XRCC2: variants seen among roughly 807,000 people sequenced by gnomAD.
XRCC2 encodes the protein DNA repair protein XRCC2.
Under a neutral mutation model 27.3 loss-of-function variants are expected in XRCC2, and 24 were observed. That is an observed-to-expected ratio of 0.88 (90% confidence interval 0.64 to 1.24). The LOEUF (loss-of-function observed/expected upper bound fraction) is 1.24. Among genes scored for constraint, XRCC2 ranks in the 50% most tolerant of loss-of-function variants. The pLI is 0.00. For missense variants in XRCC2, 321 were observed against 325.8 expected (o/e 0.99, Z 0.11); for synonymous variants, 106 against 115.4 (o/e 0.92, Z 0.52).
At chr7:152,671,199 A>C (rs1171703239) in intron 1 of XRCC2, among the ~76,000 whole-genome samples, 2 of 152,184 alleles carry the variant, frequency 1.3e-5, no homozygotes, top group Admixed American at 6.6e-5. Context: ...TGGGCGACAG[A>C]GTAAGACTGT....
At chr7:152,661,853 G>A (rs1487704633) in intron 1 of XRCC2, among the ~76,000 whole-genome samples, 1 of 152,204 alleles carries the variant, frequency 6.6e-6, no homozygotes, top group East Asian at 1.9e-4. Flanking sequence ...AGACCTGCTA[G>A]GTCACTGAGG....
intron 2 of XRCC2, among the ~76,000 whole-genome samples, chr7:152,656,411 C>T (rs1263296374): frequency 6.6e-6 from 1 of 152,038 alleles, no homozygotes; most frequent in East Asian, 1.9e-4. Context: ...AAAAAGTTTA[C>T]AATGGCATTG....
At chr7:152,664,924 A>G (rs1193998026) in intron 1 of XRCC2, among the ~76,000 whole-genome samples, 2 of 152,112 alleles carry the variant, frequency 1.3e-5, no homozygotes, top group Admixed American at 1.3e-4. Flanking sequence ...TGCAGTAGGG[A>G]GCAAAATGGT....
At chr7:152,666,570 T>C (rs2117005397) in intron 1 of XRCC2, among the ~76,000 whole-genome samples, 1 of 151,656 alleles carries the variant, frequency 6.6e-6, no homozygotes, top group African/African-American at 2.4e-5. Flanking sequence ...TAAGAACCAC[T>C]GGGCTACAAG....
In XRCC2 at chr7:152,645,728, C is replaced by T. The variant is rs3218561; in HGVS notation, c.*2914G>A. 3 of 152,140 alleles carry T rather than the reference C, an allele frequency of 2.0e-5. No individual in the cohort carries two copies. Among genetic ancestry groups the T allele is most frequent in the African/African-American group, 7.2e-5 (3 of 41,492 alleles). The allele number at this position is 152,140 out of a possible 1,614,324, so 9.4% of individuals were successfully genotyped here. A position where few individuals can be genotyped will look rare whatever the true frequency, so the allele number is the denominator to read the frequency against. On this transcript the variant is annotated 3_prime_UTR_variant, in exon 3 of 3. Coordinates refer to ENST00000359321, the MANE Select transcript of XRCC2 (RefSeq NM_005431.2). ...ATATTTCACTATTAACTAATGTTTA[C>T]TGAGGGATTTTTGTATATACCTTTT...
chr7:152,652,404 G>A (rs775144303), intron 2 of XRCC2, among the ~76,000 whole-genome samples: 8 of 151,966 alleles, frequency 5.3e-5, no homozygotes, highest in Non-Finnish European at 8.8e-5. Context: ...AAGCGCAGAC[G>A]GGGAAACCAA....
chr7:152,646,068 G>C lies in XRCC2; in HGVS notation c.*2574C>G, dbSNP rs988097016. ...GCTTTGGATCTGTCCTGCTGTATTC[G>C]GTTCTTTTAAATTTAAAAATCAGCC... On this transcript the variant is annotated 3_prime_UTR_variant, in exon 3 of 3. Transcript: ENST00000359321. 3 of 151,942 alleles carry C rather than the reference G, an allele frequency of 2.0e-5. No individual in the cohort carries two copies. The East Asian group carries it at 5.8e-4, about 29-fold the overall frequency. 9.4% of individuals were successfully genotyped at this position (151,942 alleles called of 1,614,324 possible).
intron 1 of XRCC2, 92 bp from the exon 2 acceptor site, chr7:152,660,874 T>C: frequency 8.8e-7 from 1 of 1,135,130 alleles, no homozygotes; most frequent in Non-Finnish European, 1.2e-6. Context: ...GTCTGTAAGA[T>C]TTCATAACTT....
intron 1 of XRCC2, among the ~76,000 whole-genome samples, chr7:152,664,668 C>T (rs1265406572): frequency 6.6e-6 from 1 of 152,160 alleles, no homozygotes; most frequent in African/African-American, 2.4e-5. Context: ...TTCTGGTTCT[C>T]CAGCTTGCAG....
In XRCC2 at chr7:152,644,941, AAG is replaced by A. The variant is rs1207688878; in HGVS notation, c.*3699_*3700del. ...CATTCGATGAGTCCGATTTTTCTGA[AAG>A]AGATGATTCTGATGATTCAGATGAT... is the stretch of plus-strand genomic sequence containing the variant. On this transcript the variant is annotated 3_prime_UTR_variant, in exon 3 of 3. Coordinates refer to ENST00000359321, the MANE Select transcript of XRCC2 (RefSeq NM_005431.2). 6.6e-6 allele frequency: 1 copy of A among 151,858 alleles called. No individual in the cohort carries two copies. Among genetic ancestry groups the A allele is most frequent in the African/African-American group, 2.4e-5 (1 of 41,402 alleles). The allele number at this position is 151,858 out of a possible 1,614,324, so 9.4% of individuals were successfully genotyped here.
chr7:152,658,566 C>T (rs2098031739), intron 2 of XRCC2, among the ~76,000 whole-genome samples: 1 of 152,340 alleles, frequency 6.6e-6, no homozygotes, highest in South Asian at 2.1e-4. Flanking sequence ...TCCCATTTTG[C>T]ACCCATTAAA....
At chr7:152,658,641 A>G (rs575431421) in intron 2 of XRCC2, among the ~76,000 whole-genome samples, 55 of 152,284 alleles carry the variant, frequency 3.6e-4, no homozygotes, top group African/African-American at 1.3e-3. Context: ...TTTTCTGTGA[A>G]TTTAACTACC....
intron 2 of XRCC2, among the ~76,000 whole-genome samples, chr7:152,651,358 CAGG>C (rs1018674655): frequency 1.3e-5 from 2 of 150,322 alleles, no homozygotes; most frequent in African/African-American, 4.9e-5. Flanking sequence ...GAGGTCAAGG[CAGG>C]AGGATCACTT....
intron 2 of XRCC2, among the ~76,000 whole-genome samples, chr7:152,654,710 C>T (rs918474156): frequency 1.3e-5 from 2 of 151,848 alleles, no homozygotes; most frequent in East Asian, 1.9e-4. Flanking sequence ...GGATTCCCGA[C>T]GAGTGAAACT....
chr7:152,649,962 G>A (rs1220304308), intron 2 of XRCC2, among the ~76,000 whole-genome samples: 1 of 152,146 alleles, frequency 6.6e-6, no homozygotes, highest in Admixed American at 6.5e-5. Flanking sequence ...GGATGGTGGC[G>A]TGGAAGACAG....
intron 2 of XRCC2, among the ~76,000 whole-genome samples, chr7:152,657,816 G>A (rs1392934580): frequency 4.6e-5 from 7 of 151,956 alleles, no homozygotes; most frequent in Non-Finnish European, 1.0e-4. Context: ...GAAAAATATA[G>A]TGAAAACAAT....
chr7:152,660,839 TC>T, intron 1 of XRCC2, 57 bp from the exon 2 acceptor site: 1 of 1,412,040 alleles, frequency 7.1e-7, no homozygotes, highest in Non-Finnish European at 9.8e-7. Context: ...ATCCTAGACA[TC>T]TATATTTATA....
At position 152,648,473 on chromosome 7, in the gene XRCC2, C is replaced by T. The variant is rs901890291; in HGVS notation, c.*169G>A. The T allele has an allele frequency of 3.6e-4, 224 of 617,814 alleles. No individual in the cohort carries two copies. The highest frequency in any genetic ancestry group is 6.1e-5 in the Non-Finnish European group (24 of 390,584). The allele number at this position is 617,814 out of a possible 1,614,324, so 38.3% of individuals were successfully genotyped here. On this transcript the variant is annotated 3_prime_UTR_variant, in exon 3 of 3. Transcript: ENST00000359321. ...CAGTGGCTCACGCCTGTAATCCCTG[C>T]ACTCTAGGAGGCACACATAGGAGGA...
At chr7:152,666,672 C>A (rs2098035873) in intron 1 of XRCC2, among the ~76,000 whole-genome samples, 1 of 149,938 alleles carries the variant, frequency 6.7e-6, no homozygotes, top group Admixed American at 6.7e-5. Context: ...GGCTGGAGTG[C>A]AGTGGCACAA....
Sources: allele counts gnomAD v4.1 joint callset (sites outside exome capture counted in the v4.1 genomes callset), GRCh38; gene constraint gnomAD v4.1.1; transcripts MANE v1.5; gene names NCBI Gene and HGNC (gene_info 2026-07-23, HGNC 2026-07-21).